The following SLC6A6 variants were observed in gnomAD, a reference collection of about 807,000 sequenced individuals.
SLC6A6 encodes the protein solute carrier family 6 member 6.
A neutral mutation model predicts 68.8 loss-of-function variants in SLC6A6; 16 were observed. The observed-to-expected ratio is 0.23, with a 90% confidence interval of 0.16 to 0.35. The LOEUF (loss-of-function observed/expected upper bound fraction) is 0.35, where lower values mean the gene tolerates loss of function less well. Ranked by LOEUF, SLC6A6 falls within the 10% of genes least tolerant of loss-of-function variation. The probability of loss-of-function intolerance (pLI) is 1.00; values close to 1 mark genes in which losing one functional copy is unlikely to be tolerated. For synonymous variants in SLC6A6, 312 were observed against 315.4 expected, an observed-to-expected ratio of 0.99 and a Z score of 0.12; for missense variants, 474 against 802.8, an observed-to-expected ratio of 0.59 and a Z score of 4.95.
chr3:14,457,908 G>T, intron 5 of SLC6A6, 42 bp from the exon 6 acceptor site: 1 of 1,610,592 alleles, frequency 6.2e-7, no homozygotes, highest in Non-Finnish European at 8.5e-7. Context: ...CTACTCCAGG[G>T]CCAGGCCCCT....
intron 2 of SLC6A6, among the ~76,000 whole-genome samples, chr3:14,430,533 C>T (rs1371528965): frequency 6.6e-6 from 1 of 152,190 alleles, no homozygotes; most frequent in East Asian, 1.9e-4. Context: ...AAGCGTCGGT[C>T]CTCCCTGCAT....
chr3:14,445,732 C>T lies in SLC6A6; in HGVS notation c.245C>T (p.Pro82Leu), dbSNP rs1221379240. Residue 82 changes from proline (P) to leucine (L), a missense_variant, in exon 4 of 15, where the codon CCG becomes CTG. By Grantham distance (98) the Pro-to-Leu change is moderately conservative. Around this residue, in one of 2 missense-constraint regions of SLC6A6, gnomAD observed 280 missense variants for 533.1 expected, o/e 0.53. Transcript: ENST00000622186. ...CTCTCTGCAGGTGCGTTTCTCATACCGTATTTTATTTTCCTGTTTGGGAGC... is the reference window on the plus strand; with the variant it reads ...CTCTCTGCAGGTGCGTTTCTCATACTGTATTTTATTTTCCTGTTTGGGAGC... ...YKNGGGAFLI[P>L]YFIFLFGSGL... The T allele has an allele frequency of 1.9e-6, 3 of 1,614,058 alleles. No individual in the cohort carries two copies. The highest frequency in any genetic ancestry group is 2.5e-6 in the Non-Finnish European group (3 of 1,180,010).
At chr3:14,453,745 C>T (rs1700305105) in intron 5 of SLC6A6, among the ~76,000 whole-genome samples, 1 of 152,128 alleles carries the variant, frequency 6.6e-6, no homozygotes, top group Non-Finnish European at 1.5e-5. Flanking sequence ...AGGACAGTGA[C>T]CAGGGATGTT....
intron 1 of SLC6A6, among the ~76,000 whole-genome samples, chr3:14,414,211 C>T (rs923194536): frequency 3.9e-5 from 6 of 152,204 alleles, no homozygotes; most frequent in African/African-American, 1.4e-4. Flanking sequence ...AGTGCCGCCC[C>T]CTGCCCCAAT....
At chr3:14,442,301 C>G (rs1160612512) in intron 2 of SLC6A6, among the ~76,000 whole-genome samples, 2 of 152,244 alleles carry the variant, frequency 1.3e-5, no homozygotes, top group Non-Finnish European at 2.9e-5. Context: ...GTGTCCCAGA[C>G]TGCTTGGCTC....
At position 14,477,994 on chromosome 3, in the gene SLC6A6, GC is replaced by G. The variant is rs3214656; in HGVS notation, c.1348-463del. ...AGCCAGGGCACGCTCTCTCCTGCAT[GC>G]CCCCCCCCACCACCTCCCCTGTTCC... On this transcript the variant is annotated intron_variant, in intron 11 of 14. Transcript: ENST00000622186. The surrounding 1 kb of genome is among the most constrained non-coding windows in gnomAD (Gnocchi z 4.2). Among the ~76,000 whole-genome samples, 14,551 of 150,984 alleles carry G rather than the reference GC, an allele frequency of 0.096. 992 individuals are homozygous for G. The highest frequency in any genetic ancestry group is 0.19 in the African/African-American group (7,696 of 41,056).
chr3:14,434,803 T>G (rs11720548), intron 2 of SLC6A6, among the ~76,000 whole-genome samples: 39,882 of 152,062 alleles, frequency 0.26, 5,330 homozygotes, highest in Admixed American at 0.31. Context: ...CCCCTCCCCC[T>G]GCAACTGGCA....
intron 2 of SLC6A6, among the ~76,000 whole-genome samples, chr3:14,435,855 G>A (rs938883491): frequency 1.1e-4 from 16 of 152,192 alleles, no homozygotes; most frequent in African/African-American, 3.1e-4. Context: ...CACCAGTCCC[G>A]AAGGCACCTG....
chr3:14,479,116 C>T lies in SLC6A6; in HGVS notation c.1482C>T (p.Asp494=), dbSNP rs1700949704. 2 of 1,613,026 alleles carry T rather than the reference C, an allele frequency of 1.2e-6. No homozygotes were observed. The highest frequency in any genetic ancestry group is 1.1e-5 in the South Asian group (1 of 91,076). The change falls in exon 13 of 15, where the codon GAC becomes GAT. Residue 494 remains aspartate (D), a synonymous_variant. Transcript: ENST00000622186. Reference sequence around the variant, plus strand: ...ATAACCTTTATGATGGTATTGAGGACATGATTGGCTATCGGCCCGGGCCCT... The same window carrying T: ...ATAACCTTTATGATGGTATTGAGGATATGATTGGCTATCGGCCCGGGCCCT... ...GGDNLYDGIE[D]MIGYRPGPWM...
rs567644440 is a variant in SLC6A6 at position 14,479,438 on chromosome 3, G to A, written c.1551+253G>A. On this transcript the variant is annotated intron_variant, in intron 13 of 14. Transcript: ENST00000622186. ...TTCTGGCAGAGGAGCCAGCCTGTGCGGGGCCAAGGCATCCTAAAAGAAGAG... is the reference window on the plus strand; with the variant it reads ...TTCTGGCAGAGGAGCCAGCCTGTGCAGGGCCAAGGCATCCTAAAAGAAGAG... Among the ~76,000 whole-genome samples the A allele has an allele frequency of 5.9e-5, 9 of 152,292 alleles. No individual in the cohort carries two copies. In the South Asian group the frequency reaches 8.3e-4, roughly 14 times the overall value.
Position 14,457,942 on chromosome 3 carries a change from G to T in SLC6A6, c.600-8G>T, listed in dbSNP as rs751818003. On this transcript the variant is annotated splice_polypyrimidine_tract_variant and splice_region_variant and intron_variant, in intron 5 of 14. Transcript: ENST00000622186. ...CTCACTGACTCCTGGCTCTGTGTTT[G>T]CTTCAAGGCGCAACGTGCTGAGCTT... The T allele has an allele frequency of 6.2e-7, 1 of 1,614,010 alleles. No homozygotes were observed. Among genetic ancestry groups the T allele is most frequent in the Admixed American group, 1.7e-5 (1 of 60,032 alleles).
In SLC6A6 at chr3:14,481,538, G is replaced by T; in HGVS notation, c.1552-133G>T. ...GGGGATCCTTATGGCAGCAGAGAGG[G>T]GTGTGAGTTCTGAGCCAGTCCTTTC... On this transcript the variant is annotated intron_variant, in intron 13 of 14. Transcript: ENST00000622186. This position sits in a 1 kb window ranked among gnomAD's most constrained non-coding sequence, Gnocchi z 4.7. The T allele has an allele frequency of 1.6e-6, 1 of 641,646 alleles. No individual in the cohort carries two copies. The highest frequency in any genetic ancestry group is 2.8e-6 in the Non-Finnish European group (1 of 362,122). 39.7% of individuals were successfully genotyped at this position (641,646 alleles called of 1,614,324 possible).
intron 2 of SLC6A6, among the ~76,000 whole-genome samples, chr3:14,426,169 GGA>G (rs1004862843): frequency 6.6e-6 from 1 of 152,192 alleles, no homozygotes; most frequent in African/African-American, 2.4e-5. Context: ...AGGTTGAGGG[GGA>G]GAGACTTCCT....
rs368131085 is a variant in SLC6A6, at chr3:14,477,165, G to A, written c.1210-40G>A. ...CGAGCAGCAGGCAAGGGTGGCCTGA[G>A]CGTCAGCCGCTCACCAGCTCTCTCT... On this transcript the variant is annotated intron_variant, in intron 10 of 14. Coordinates refer to ENST00000622186, the MANE Select transcript of SLC6A6 (RefSeq NM_003043.6). The surrounding 1 kb of genome is among the most constrained non-coding windows in gnomAD (Gnocchi z 4.2). The A allele has an allele frequency of 1.6e-5, 25 of 1,595,086 alleles. No individual in the cohort carries two copies. In the African/African-American group the frequency reaches 1.6e-4, roughly 10 times the overall value.
At chr3:14,482,196 G>C (rs1227678528) in intron 14 of SLC6A6, among the ~76,000 whole-genome samples, 2 of 152,210 alleles carry the variant, frequency 1.3e-5, no homozygotes, top group Non-Finnish European at 2.9e-5. Context: ...AAGAGCTGGG[G>C]CTTTATCCTG....
intron 14 of SLC6A6, among the ~76,000 whole-genome samples, chr3:14,484,567 G>GA (rs1443102325): frequency 1.1e-4 from 16 of 152,212 alleles, no homozygotes; most frequent in East Asian, 7.7e-4. Context: ...TTCCATAGAA[G>GA]AAAAAAAGCA....
intron 3 of SLC6A6, chr3:14,444,771 C>T (rs1164104990): frequency 2.2e-6 from 1 of 456,694 alleles, no homozygotes; most frequent in Admixed American, 2.3e-5. Flanking sequence ...GATGAGTGTC[C>T]TAGACGCTCC....
chr3:14,437,498 A>C (rs1226035231), intron 2 of SLC6A6, among the ~76,000 whole-genome samples: 1 of 152,178 alleles, frequency 6.6e-6, no homozygotes, highest in Non-Finnish European at 1.5e-5. Context: ...ATAAATAAAA[A>C]TTGTATATAT....
chr3:14,452,951 C>T (rs1261460802), intron 5 of SLC6A6, among the ~76,000 whole-genome samples: 5 of 152,294 alleles, frequency 3.3e-5, no homozygotes, highest in South Asian at 4.1e-4. Flanking sequence ...CCTGGGAGCT[C>T]GGCACGTATC....
Sources: gnomAD v4.1 joint callset for allele counts (sites outside exome capture counted in the v4.1 genomes callset) on GRCh38, gnomAD v4.1.1 for gene constraint, gnomAD v4.1.1 regional missense constraint, Gnocchi (gnomAD v3.1) non-coding constraint, MANE v1.5 for transcripts, NCBI Gene and HGNC (gene_info 2026-07-23, HGNC 2026-07-21) for gene names.